The following S100PBP variants were observed in gnomAD, a reference collection of about 807,000 sequenced individuals.
S100PBP encodes the protein S100P-binding protein.
Under a neutral mutation model 39.9 loss-of-function variants are expected in S100PBP, and 15 were observed. The ratio of observed to expected loss-of-function variants is 0.38; its 90% CI spans 0.25 to 0.58. S100PBP has a LOEUF of 0.58. S100PBP is among the 20% of genes least tolerant of loss of function. S100PBP has a pLI of 0.70. For missense variants in S100PBP, 504 were observed against 487.3 expected (o/e 1.03, Z -0.32); for synonymous variants, 178 against 180.3 (o/e 0.99, Z 0.10).
chr1:32,846,236 G>T (rs1640368871), intron 5 of S100PBP, among the ~76,000 whole-genome samples: 1 of 149,654 alleles, frequency 6.7e-6, no homozygotes, highest in African/African-American at 2.5e-5. Context: ...TGATCTGCCT[G>T]CCTCGGCCTC....
chr1:32,816,982 G>GGT, upstream of S100PBP: 1 of 651,648 alleles, frequency 1.5e-6, no homozygotes, highest in Non-Finnish European at 2.7e-6. Context: ...GGACGCAAGA[G>GGT]GTGAGCCCAC....
At chr1:32,844,559 C>T (rs572944098) in intron 5 of S100PBP, among the ~76,000 whole-genome samples, 1 of 152,220 alleles carries the variant, frequency 6.6e-6, no homozygotes, top group Non-Finnish European at 1.5e-5. Context: ...TTACTGCAGC[C>T]TCTACCTCCT....
intron 5 of S100PBP, among the ~76,000 whole-genome samples, chr1:32,842,544 T>C (rs1195467404): frequency 6.6e-6 from 1 of 152,088 alleles, no homozygotes; most frequent in Non-Finnish European, 1.5e-5. Context: ...GGGATTTCCA[T>C]TGGGATTGTA....
chr1:32,817,075 C>T (rs1384875335), upstream of S100PBP: 1 of 1,359,356 alleles, frequency 7.4e-7, no homozygotes, highest in Non-Finnish European at 1.0e-6. Context: ...CTCAGAGCTG[C>T]GCCAGCGCCG....
intron 5 of S100PBP, chr1:32,836,729 T>C (rs187900526): frequency 3.5e-6 from 1 of 283,028 alleles, no homozygotes; most frequent in African/African-American, 2.3e-5. Context: ...GATTTTCCTC[T>C]GCTGCCCTCC....
At chr1:32,845,008 T>G (rs988875803) in intron 5 of S100PBP, among the ~76,000 whole-genome samples, 15 of 143,982 alleles carry the variant, frequency 1.0e-4, no homozygotes, top group Non-Finnish European at 1.9e-4. Flanking sequence ...TTTTTGTATT[T>G]TTATTATTTA....
At position 32,844,868 on chromosome 1, in the gene S100PBP, G is replaced by T. The variant is rs571932395; in HGVS notation, c.1025-8211G>T. ...TTTTGAGATGGACTCTCGCTCTGTT[G>T]CCCAGGCTGGAGTGCAGTGGCGTGA... On this transcript the variant is annotated intron_variant, in intron 5 of 6. Transcript: ENST00000373475. 3.3e-5 allele frequency among the ~76,000 whole-genome samples: 5 copies of T among 150,670 alleles called. No homozygotes were observed. The South Asian group carries it at 8.4e-4, about 25-fold the overall frequency.
rs1164377612 is a variant in S100PBP, at chr1:32,826,792, T to C, written c.693T>C (p.Ser231=). ...TCTCTGATAAAAATATGCCTGACAG[T>C]GAGAACCCTACGTCTGTATTCTCTC... ...QTVSDKNMPD[S]ENPTSVFSRI... is the part of the protein sequence containing the mutation. Residue 231 remains serine, a synonymous_variant, in exon 3 of 7, where the codon AGT becomes AGC. Coordinates refer to ENST00000373475, the MANE Select transcript of S100PBP (RefSeq NM_022753.4). 6.2e-7 allele frequency: 1 copy of C among 1,614,144 alleles called. No individual in the cohort carries two copies. Among genetic ancestry groups the C allele is most frequent in the South Asian group, 1.1e-5 (1 of 91,086 alleles).
chr1:32,838,565 G>GGGTGCAGT (rs548758466), intron 5 of S100PBP, among the ~76,000 whole-genome samples: 203 of 152,212 alleles, frequency 1.3e-3, no homozygotes, highest in Middle Eastern at 3.4e-3. Context: ...CGTTTTGGCT[G>GGGTGCAGT]GGTGCAGTGG....
At chr1:32,826,068 C>A in intron 2 of S100PBP, 30 bp from the exon 3 acceptor site, 1 of 1,503,926 alleles carries the variant, frequency 6.6e-7, no homozygotes. Context: ...ATTTTCTCTT[C>A]CTCAGTGAAA....
chr1:32,857,867 C>T lies in S100PBP; in HGVS notation c.*1829C>T, dbSNP rs1387479480. The T allele has an allele frequency of 6.6e-6, 1 of 152,190 alleles. No homozygotes were observed. The highest frequency in any genetic ancestry group is 6.5e-5 in the Admixed American group (1 of 15,280). The allele number at this position is 152,190 out of a possible 1,614,324, so 9.4% of individuals were successfully genotyped here. A position where few individuals can be genotyped will look rare whatever the true frequency, so the allele number is the denominator to read the frequency against. ...TTAGGTGAATGTCCCTAAGTGTTTACTGTTTTTATCCAGTCAAGGATTTGC... is the reference window on the plus strand; with the variant it reads ...TTAGGTGAATGTCCCTAAGTGTTTATTGTTTTTATCCAGTCAAGGATTTGC... On this transcript the variant is annotated 3_prime_UTR_variant, in exon 7 of 7. Transcript: ENST00000373475.
chr1:32,816,918 G>A, upstream of S100PBP: 1 of 587,044 alleles, frequency 1.7e-6, no homozygotes, highest in Non-Finnish European at 3.0e-6. Context: ...GCACTTAATA[G>A]GGGGGTGGAA....
At chr1:32,817,203 G>A (rs199894991), upstream of S100PBP, 16 of 1,614,210 alleles carry the variant, frequency 9.9e-6, no homozygotes, top group Non-Finnish European at 1.4e-5. Context: ...GGTTCCGGGT[G>A]ATAAGGTGCA....
chr1:32,820,706 TAAA>T (rs1262452827), intron 1 of S100PBP: 1 of 152,150 alleles, frequency 6.6e-6, no homozygotes, highest in African/African-American at 2.4e-5. Flanking sequence ...TTCAAGCATA[TAAA>T]AAAGTATAGT....
intron 5 of S100PBP, among the ~76,000 whole-genome samples, chr1:32,851,353 C>T (rs1285191648): frequency 6.6e-6 from 1 of 152,118 alleles, no homozygotes; most frequent in Non-Finnish European, 1.5e-5. Context: ...TCTCCACTGT[C>T]TAGGGCTTTG....
chr1:32,824,320 T>A (rs2148638807), intron 1 of S100PBP, among the ~76,000 whole-genome samples: 1 of 152,266 alleles, frequency 6.6e-6, no homozygotes, highest in South Asian at 2.1e-4. Flanking sequence ...CTTTTCCAAA[T>A]TTTTGAGTTC....
At chr1:32,831,680 T>A (rs1198899937) in intron 5 of S100PBP, among the ~76,000 whole-genome samples, 1 of 152,074 alleles carries the variant, frequency 6.6e-6, no homozygotes, top group African/African-American at 2.4e-5. Context: ...TTAGGTCTGA[T>A]AGAAGTAGAG....
chr1:32,856,495 AC>A lies in S100PBP; in HGVS notation c.*458del, dbSNP rs1640823826. On this transcript the variant is annotated 3_prime_UTR_variant, in exon 7 of 7. Transcript: ENST00000373475. Reference sequence around the variant, plus strand: ...GATAACTTGTGAATGGATATAAGTTACTTTTAACAACCCCTCTTACTTTTTT... The same window carrying A: ...GATAACTTGTGAATGGATATAAGTTATTTTAACAACCCCTCTTACTTTTTT... 1 of 153,174 alleles carries A rather than the reference AC, an allele frequency of 6.5e-6. No individual in the cohort carries two copies. The highest frequency in any genetic ancestry group is 1.5e-5 in the Non-Finnish European group (1 of 68,468). 9.5% of individuals were successfully genotyped at this position (153,174 alleles called of 1,614,324 possible).
chr1:32,824,826 A>G (rs1057501773), intron 1 of S100PBP: 15 of 19,146 alleles, frequency 7.8e-4, no homozygotes, highest in South Asian at 4.5e-3. Context: ...TTTTTTCTAT[A>G]CATATATATA....
Sources: gnomAD v4.1 joint callset for allele counts (sites outside exome capture counted in the v4.1 genomes callset) on GRCh38, gnomAD v4.1.1 for gene constraint, MANE v1.5 for transcripts, NCBI Gene and HGNC (gene_info 2026-07-23, HGNC 2026-07-21) for gene names.